MTARC2: variants seen among roughly 807,000 people sequenced by gnomAD.
MTARC2 encodes the protein MOCO sulphurase C-terminal domain containing 2.
MTARC2 carries 27 observed loss-of-function variants against 35.6 expected under a neutral mutation model. That is an observed-to-expected ratio of 0.76 (90% confidence interval 0.56 to 1.04). MTARC2 has a LOEUF of 1.04. Ranked by LOEUF, MTARC2 falls within the 50% of genes least tolerant of loss-of-function variation. The pLI is 0.00. For missense variants in MTARC2, 412 were observed against 432.5 expected, an observed-to-expected ratio of 0.95 and a Z score of 0.42; for synonymous variants, 158 against 167.1, an observed-to-expected ratio of 0.95 and a Z score of 0.42.
intron 4 of MTARC2, among the ~76,000 whole-genome samples, chr1:220,766,860 C>CAAA (rs59711900): frequency 1.1e-5 from 1 of 91,932 alleles, no homozygotes; most frequent in African/African-American, 3.3e-5. Flanking sequence ...AATAAAAGTA[C>CAAA]AAAAAAAAAA....
intron 4 of MTARC2, among the ~76,000 whole-genome samples, chr1:220,777,961 G>C (rs1288479341): frequency 6.6e-6 from 1 of 152,154 alleles, no homozygotes. Flanking sequence ...AGAGGTTTAG[G>C]CTGGGTGCGG....
At chr1:220,749,804 A>T (rs1181714034) in intron 1 of MTARC2, among the ~76,000 whole-genome samples, 2 of 152,080 alleles carry the variant, frequency 1.3e-5, no homozygotes, top group African/African-American at 4.8e-5. Flanking sequence ...TTGCAAGTTG[A>T]TCATTCAAGG....
intron 4 of MTARC2, among the ~76,000 whole-genome samples, chr1:220,772,202 C>G (rs1315401475): frequency 3.3e-5 from 5 of 152,166 alleles, no homozygotes; most frequent in African/African-American, 4.8e-5. Context: ...AAATAATGAG[C>G]AGCTTTGTAA....
chr1:220,768,035 G>A (rs1572306451), intron 4 of MTARC2, among the ~76,000 whole-genome samples: 2 of 152,164 alleles, frequency 1.3e-5, no homozygotes, highest in South Asian at 2.1e-4. Flanking sequence ...TTGAAGTAGC[G>A]GTAATGATAA....
chr1:220,768,931 G>A (rs1052212051), intron 4 of MTARC2, among the ~76,000 whole-genome samples: 2 of 152,150 alleles, frequency 1.3e-5, no homozygotes, highest in Non-Finnish European at 2.9e-5. Context: ...TCTGACATGC[G>A]TATATTTTTA....
intron 4 of MTARC2, among the ~76,000 whole-genome samples, chr1:220,769,300 A>G (rs12028887): frequency 0.013 from 2,025 of 152,324 alleles, 32 homozygotes; most frequent in East Asian, 0.062. Flanking sequence ...CACTACACCC[A>G]GTGAGTAAGC....
At position 220,748,778 on chromosome 1, in the gene MTARC2, C is replaced by A. The variant is rs1209727360; in HGVS notation, c.247C>A (p.Leu83Met). 3 of 1,596,654 alleles carry A rather than the reference C, an allele frequency of 1.9e-6. No individual in the cohort carries two copies. Among genetic ancestry groups the A allele is most frequent in the Non-Finnish European group, 2.6e-6 (3 of 1,172,212 alleles). ...CGAGGCTGAGTGCACGGCCATGGGG[C>A]TGCGCAGCGGCAACCTGCGGGACAG... is the stretch of plus-strand genomic sequence containing the variant. ...VSEAECTAMG[L>M]RSGNLRDRFW... The change falls in exon 1 of 8, where the codon CTG becomes ATG. Residue 83 changes from leucine (L) to methionine (M), a missense_variant. Physicochemically the swap from Leu to Met is conservative, Grantham distance 15. Transcript: ENST00000366913.
intron 1 of MTARC2, among the ~76,000 whole-genome samples, chr1:220,750,975 G>A (rs1319703205): frequency 6.6e-6 from 1 of 152,146 alleles, no homozygotes; most frequent in African/African-American, 2.4e-5. Flanking sequence ...TGAACTTCAT[G>A]GTCTCTAAAG....
intron 4 of MTARC2, among the ~76,000 whole-genome samples, chr1:220,778,137 G>A (rs1671965501): frequency 6.6e-6 from 1 of 151,290 alleles, no homozygotes; most frequent in African/African-American, 2.4e-5. Flanking sequence ...AGCTACTCAG[G>A]AGGCTGAGGC....
At chr1:220,753,491 C>A (rs1671188507) in intron 1 of MTARC2, among the ~76,000 whole-genome samples, 6 of 152,170 alleles carry the variant, frequency 3.9e-5, no homozygotes, top group Admixed American at 3.9e-4. Flanking sequence ...AGATGTAAGA[C>A]TATCTGTCAG....
intron 4 of MTARC2, among the ~76,000 whole-genome samples, chr1:220,769,807 C>T (rs954180087): frequency 2.0e-5 from 3 of 150,908 alleles, no homozygotes; most frequent in African/African-American, 7.3e-5. Context: ...AAATGTCTCT[C>T]AGAACGCCCT....
At chr1:220,780,761 C>T (rs6701709) in intron 6 of MTARC2, among the ~76,000 whole-genome samples, 18,284 of 151,892 alleles carry the variant, frequency 0.12, 1,772 homozygotes, top group African/African-American at 0.25. Flanking sequence ...ACTTTTAATT[C>T]TATAATACTA....
chr1:220,756,300 A>G (rs1228732893), intron 2 of MTARC2: 1 of 152,250 alleles, frequency 6.6e-6, no homozygotes, highest in East Asian at 1.9e-4. Flanking sequence ...GGGGAGCCTC[A>G]GATTACTCCG....
At position 220,770,492 on chromosome 1, in the gene MTARC2, T is replaced by C. The variant is rs2102561206; in HGVS notation, c.750+7442T>C. On this transcript the variant is annotated intron_variant, in intron 4 of 7. Coordinates refer to ENST00000366913, the MANE Select transcript of MTARC2 (RefSeq NM_017898.5). ...CCTTGTAAGGAGAGGTCATTCACTT[T>C]ACAATGCTACCCAAGAGACAAGCCC... The C allele has an allele frequency of 8.1e-6, 8 of 985,472 alleles. No homozygotes were observed. In the South Asian group the frequency reaches 2.8e-4, roughly 35 times the overall value. 61.0% of individuals were successfully genotyped at this position (985,472 alleles called of 1,614,324 possible).
chr1:220,760,820 T>C (rs1444313255), intron 2 of MTARC2, among the ~76,000 whole-genome samples: 1 of 152,182 alleles, frequency 6.6e-6, no homozygotes, highest in Non-Finnish European at 1.5e-5. Context: ...AGTAAAATAA[T>C]ATACATATGT....
At chr1:220,768,961 T>C (rs944242754) in intron 4 of MTARC2, among the ~76,000 whole-genome samples, 1 of 152,158 alleles carries the variant, frequency 6.6e-6, no homozygotes, top group South Asian at 2.1e-4. Flanking sequence ...AGCAAGAGTC[T>C]TGGATGGATT....
At chr1:220,768,812 G>C (rs1024711807) in intron 4 of MTARC2, among the ~76,000 whole-genome samples, 2 of 152,128 alleles carry the variant, frequency 1.3e-5, no homozygotes, top group African/African-American at 4.8e-5. Context: ...TTTTTCTTTC[G>C]TAATGAAAAG....
intron 4 of MTARC2, among the ~76,000 whole-genome samples, chr1:220,764,257 T>C (rs1671518372): frequency 6.6e-6 from 1 of 152,108 alleles, no homozygotes; most frequent in African/African-American, 2.4e-5. Flanking sequence ...CCACCTTGGC[T>C]AATTTTTGTA....
chr1:220,771,389 C>T (rs1295474702), intron 4 of MTARC2, among the ~76,000 whole-genome samples: 1 of 151,430 alleles, frequency 6.6e-6, no homozygotes, highest in African/African-American at 2.4e-5. Flanking sequence ...ACAGATGCCT[C>T]CAGGCACATT....
Sources: allele counts gnomAD v4.1 joint callset (sites outside exome capture counted in the v4.1 genomes callset), GRCh38; gene constraint gnomAD v4.1.1; transcripts MANE v1.5; gene names NCBI Gene and HGNC (gene_info 2026-07-23, HGNC 2026-07-21).